The following SRGAP3 variants were observed in gnomAD, a reference collection of about 807,000 sequenced individuals.
SRGAP3 encodes SLIT-ROBO Rho GTPase activating protein 3.
In SRGAP3, 39 loss-of-function variants were observed where a neutral mutation model predicts 121.1. The observed-to-expected ratio is 0.32, with a 90% CI of 0.25 to 0.42. The LOEUF (loss-of-function observed/expected upper bound fraction) is 0.42, where lower values mean the gene tolerates loss of function less well. SRGAP3 is among the 10% of genes least tolerant of loss of function. The pLI, the probability that SRGAP3 is intolerant of heterozygous loss-of-function variation, is 1.00. For missense variants in SRGAP3, 1,213 were observed against 1,470.6 expected (o/e 0.82, Z 2.86); for synonymous variants, 601 against 570.0 (o/e 1.05, Z -0.77).
chr3:9,240,050 G>C (rs1001379083), intron 1 of SRGAP3, among the ~76,000 whole-genome samples: 75 of 152,188 alleles, frequency 4.9e-4, no homozygotes, highest in African/African-American at 1.8e-3. Context: ...ATTCCCAGAA[G>C]TCCTGGGGGA....
At chr3:9,348,478 C>T (rs1011016320) in intron 1 of SRGAP3, 7 of 712,240 alleles carry the variant, frequency 9.8e-6, no homozygotes, top group Middle Eastern at 4.0e-4. Context: ...TCCAGCATGG[C>T]GAGAGCATGT....
intron 1 of SRGAP3, among the ~76,000 whole-genome samples, chr3:9,230,720 A>T (rs897898411): frequency 1.1e-4 from 17 of 152,142 alleles, no homozygotes; most frequent in South Asian, 2.1e-4. Flanking sequence ...ATTTTTTTTT[A>T]AAATTAGCCA....
chr3:9,356,496 CTG>C (rs2030522340), intron 1 of SRGAP3, among the ~76,000 whole-genome samples: 3 of 151,362 alleles, frequency 2.0e-5, no homozygotes, highest in African/African-American at 7.3e-5. Context: ...CCTCAGCCTC[CTG>C]CGTAGCTGGG....
At chr3:9,329,772 C>T (rs1231881853) in intron 2 of SRGAP3, among the ~76,000 whole-genome samples, 1 of 152,108 alleles carries the variant, frequency 6.6e-6, no homozygotes, top group Non-Finnish European at 1.5e-5. Flanking sequence ...TCAAGTTTCC[C>T]CTTTTTTGGG....
chr3:9,013,016 C>T (rs114068977), intron 17 of SRGAP3, among the ~76,000 whole-genome samples: 338 of 152,116 alleles, frequency 2.2e-3, no homozygotes, highest in African/African-American at 7.2e-3. Flanking sequence ...ATAGTTGAGC[C>T]CCTGGATCAA....
At chr3:9,188,703 G>A (rs932182003) in intron 1 of SRGAP3, among the ~76,000 whole-genome samples, 14 of 152,136 alleles carry the variant, frequency 9.2e-5, no homozygotes, top group African/African-American at 3.4e-4. Flanking sequence ...TCCCTTTGAT[G>A]TGTGATCACT....
chr3:9,005,809 C>G (rs1292040221), intron 18 of SRGAP3, among the ~76,000 whole-genome samples: 2 of 152,104 alleles, frequency 1.3e-5, no homozygotes, highest in African/African-American at 4.8e-5. Flanking sequence ...CTAAAGGGTA[C>G]AGGGCTTCTT....
chr3:9,075,223 T>C lies in SRGAP3; in HGVS notation c.486+4802A>G, dbSNP rs1946904081. The stretch of plus-strand genomic sequence containing the variant: ...GGCCAATACATGAACAAGAACTATA[T>C]TGTGTTGGGCTGATGGGAGTTCGAG... On this transcript the variant is annotated intron_variant, in intron 4 of 21. Transcript: ENST00000383836. 2.0e-5 allele frequency among the ~76,000 whole-genome samples: 3 copies of C among 151,890 alleles called. No homozygotes were observed. The South Asian group carries it at 6.2e-4, about 32-fold the overall frequency.
At chr3:9,144,509 CCACATGTTG>C (rs1949960417) in intron 1 of SRGAP3, among the ~76,000 whole-genome samples, 1 of 152,228 alleles carries the variant, frequency 6.6e-6, no homozygotes, top group East Asian at 1.9e-4. Flanking sequence ...CCCAGAATTC[CCACATGTTG>C]TGGGAGGGAC....
chr3:9,318,501 C>G (rs557188064), intron 3 of SRGAP3, among the ~76,000 whole-genome samples: 2 of 151,936 alleles, frequency 1.3e-5, no homozygotes, highest in Middle Eastern at 3.4e-3. Flanking sequence ...GAGGGGGACT[C>G]TCTTCAACCC....
chr3:9,140,606 T>A (rs945993940), intron 1 of SRGAP3, among the ~76,000 whole-genome samples: 4 of 152,174 alleles, frequency 2.6e-5, no homozygotes, highest in African/African-American at 7.2e-5. Context: ...GGCCATATCA[T>A]CTCTATTACA....
At chr3:9,158,311 T>C (rs1950491263) in intron 1 of SRGAP3, among the ~76,000 whole-genome samples, 1 of 152,206 alleles carries the variant, frequency 6.6e-6, no homozygotes, top group Non-Finnish European at 1.5e-5. Context: ...AGCCAGGTTC[T>C]CCTTGAGGTT....
intron 3 of SRGAP3, among the ~76,000 whole-genome samples, chr3:9,305,637 C>T (rs912801157): frequency 2.6e-5 from 4 of 151,980 alleles, no homozygotes; most frequent in African/African-American, 9.7e-5. Flanking sequence ...TCAATTCCCA[C>T]CTATAAGTGA....
rs570812119 is a variant in SRGAP3 at position 9,080,349 on chromosome 3, G to A, written c.424-262C>T. 2.0e-5 allele frequency among the ~76,000 whole-genome samples: 3 copies of A among 152,264 alleles called. No individual in the cohort carries two copies. The South Asian group carries it at 6.2e-4, about 32-fold the overall frequency. ...CTACACATCATTTCCCTACCACAGT[G>A]ACTCACAGTGACAGTAGCATATTAA... On this transcript the variant is annotated intron_variant, in intron 3 of 21. Transcript: ENST00000383836.
intron 1 of SRGAP3, among the ~76,000 whole-genome samples, chr3:9,171,898 G>A (rs1950988504): frequency 1.3e-5 from 2 of 152,076 alleles, no homozygotes; most frequent in Non-Finnish European, 2.9e-5. Context: ...TTCCAAGGCT[G>A]TGAGGGTGAA....
At chr3:9,043,224 G>T (rs1256940616) in intron 10 of SRGAP3, among the ~76,000 whole-genome samples, 2 of 152,170 alleles carry the variant, frequency 1.3e-5, no homozygotes, top group Non-Finnish European at 2.9e-5. Context: ...CGTGATCTTG[G>T]CTCACTGCAG....
rs535473258 is a variant in SRGAP3, at chr3:8,990,640, C to T, written c.2758G>A (p.Ala920Thr). Reference protein sequence around the residue: ...EKRRMATFGSAGSINYPDKKA... With the variant: ...EKRRMATFGSTGSINYPDKKA... ...TTGTCAGGGTAGTTGATGCTGCCAGCGCTCCCGAACGTCGCCATCCTCCGC... is the reference window on the plus strand; with the variant it reads ...TTGTCAGGGTAGTTGATGCTGCCAGTGCTCCCGAACGTCGCCATCCTCCGC... Residue 920 changes from alanine to threonine, a missense_variant, in exon 21 of 22, where the codon GCT becomes ACT. Physicochemically the swap from Ala to Thr is moderately conservative, Grantham distance 58. This residue lies in a region of SRGAP3 where 420 missense variants were observed against 437.7 expected (regional missense o/e 0.96). Transcript: ENST00000383836. 28 of 1,613,370 alleles carry T rather than the reference C, an allele frequency of 1.7e-5. No individual in the cohort carries two copies. Among genetic ancestry groups the T allele is most frequent in the South Asian group, 1.3e-4 (12 of 90,996 alleles).
intron 1 of SRGAP3, among the ~76,000 whole-genome samples, chr3:9,182,200 A>AAAAAAAAAAAAAAAAAAAC (rs1491306717): frequency 6.8e-6 from 1 of 146,304 alleles, no homozygotes. Context: ...AAAAAAAAAA[A>AAAAAAAAAAAAAAAAAAAC]ACACAAAAAA....
chr3:9,003,506 A>AC (rs58811246), intron 18 of SRGAP3, among the ~76,000 whole-genome samples: 47 of 151,816 alleles, frequency 3.1e-4, no homozygotes, highest in Non-Finnish European at 5.0e-4. Flanking sequence ...AAACAAACAA[A>AC]AAAATCACTA....
Sources: allele counts gnomAD v4.1 joint callset (sites outside exome capture counted in the v4.1 genomes callset), GRCh38; gene constraint gnomAD v4.1.1; regional missense constraint gnomAD v4.1.1; transcripts MANE v1.5; gene names NCBI Gene and HGNC (gene_info 2026-07-23, HGNC 2026-07-21).